Variants in ZNF536 observed in about 807,000 individuals in gnomAD.
ZNF536 encodes the protein zinc finger protein 536.
In ZNF536, 13 loss-of-function variants were observed where a neutral mutation model predicts 84.5. The observed-to-expected ratio is 0.15, with a 90% CI of 0.10 to 0.24. ZNF536 has a LOEUF of 0.24. Ranked by LOEUF, ZNF536 falls within the 10% of genes least tolerant of loss-of-function variation. ZNF536 has a pLI of 1.00. For missense variants in ZNF536, 1,536 were observed against 1,747.5 expected, an observed-to-expected ratio of 0.88 and a Z score of 2.16; for synonymous variants, 811 against 742.5, an observed-to-expected ratio of 1.09 and a Z score of -1.50.
intron 2 of ZNF536, among the ~76,000 whole-genome samples, chr19:30,304,766 G>A (rs908100219): frequency 5.9e-5 from 9 of 152,204 alleles, no homozygotes; most frequent in African/African-American, 1.9e-4. Flanking sequence ...GGGGCTCACA[G>A]AACTGCCCCA....
chr19:30,445,473 C>T lies in ZNF536; in HGVS notation c.1911C>T (p.Gly637=), dbSNP rs751244018. The T allele has an allele frequency of 1.9e-6, 3 of 1,614,152 alleles. No individual in the cohort carries two copies. The highest frequency in any genetic ancestry group is 2.5e-6 in the Non-Finnish European group (3 of 1,180,022). ...KEKPTECPDC[G]RVFRTYHQVV... ...AGCCCACCGAGTGCCCCGACTGCGG[C>T]CGGGTGTTCCGCACTTACCACCAGG... Residue 637 remains glycine (G), a synonymous_variant, in exon 2 of 5, where the codon GGC becomes GGT. Coordinates refer to ENST00000355537, the MANE Select transcript of ZNF536 (RefSeq NM_014717.3). This position sits in a 1 kb window ranked among gnomAD's most constrained non-coding sequence, Gnocchi z 4.5.
At chr19:30,406,643 T>C (rs1251792440) in intron 1 of ZNF536, among the ~76,000 whole-genome samples, 1 of 152,128 alleles carries the variant, frequency 6.6e-6, no homozygotes, top group East Asian at 1.9e-4. Context: ...GTACGGCCAG[T>C]TTTCCTTTTA....
At chr19:30,524,062 G>A (rs374197181) in intron 2 of ZNF536, among the ~76,000 whole-genome samples, 4 of 152,214 alleles carry the variant, frequency 2.6e-5, no homozygotes, top group Non-Finnish European at 4.4e-5. Flanking sequence ...CAGCCAATCC[G>A]ACGGCGGCAG....
chr19:30,616,123 C>G (rs1458189006), intron 1 of ZNF536, among the ~76,000 whole-genome samples: 1 of 152,136 alleles, frequency 6.6e-6, no homozygotes, highest in Non-Finnish European at 1.5e-5. Flanking sequence ...TATCTTTTTG[C>G]AAATAATCAT....
intron 1 of ZNF536, among the ~76,000 whole-genome samples, chr19:30,640,996 C>T (rs777058395): frequency 5.3e-5 from 8 of 152,204 alleles, no homozygotes; most frequent in Non-Finnish European, 1.0e-4. Flanking sequence ...ACATTCCCAC[C>T]TGCGTAAGTC....
At chr19:30,479,949 G>C (rs569504465) in intron 2 of ZNF536, among the ~76,000 whole-genome samples, 1 of 152,324 alleles carries the variant, frequency 6.6e-6, no homozygotes, top group Admixed American at 6.5e-5. Flanking sequence ...CTTCAGGGCT[G>C]GTTCCAAGGG....
intron 1 of ZNF536, among the ~76,000 whole-genome samples, chr19:30,666,848 ATG>A (rs1555832223): frequency 7.1e-6 from 1 of 141,480 alleles, no homozygotes; most frequent in Non-Finnish European, 1.6e-5. Context: ...ATATATATAT[ATG>A]TATGTATGTA....
At chr19:30,446,163 C>T (rs1017582755) in intron 2 of ZNF536, among the ~76,000 whole-genome samples, 1 of 139,544 alleles carries the variant, frequency 7.2e-6, no homozygotes, top group African/African-American at 2.6e-5. Flanking sequence ...GCAGGAGAAT[C>T]GCTTGAGCCC....
chr19:30,621,251 CT>C (rs34767903), intron 1 of ZNF536, among the ~76,000 whole-genome samples: 3 of 152,024 alleles, frequency 2.0e-5, no homozygotes, highest in Non-Finnish European at 2.9e-5. Flanking sequence ...TATTATTAGA[CT>C]TTTTTTCCCC....
intron 1 of ZNF536, among the ~76,000 whole-genome samples, chr19:30,392,679 CAA>C (rs1041767559): frequency 2.0e-4 from 30 of 152,264 alleles, no homozygotes; most frequent in Non-Finnish European, 4.0e-4. Context: ...AGCTCCCAAA[CAA>C]AGAGTTATGA....
chr19:30,661,497 T>A (rs2050120429), intron 1 of ZNF536, among the ~76,000 whole-genome samples: 1 of 152,166 alleles, frequency 6.6e-6, no homozygotes, highest in African/African-American at 2.4e-5. Flanking sequence ...GTGCAAGCTT[T>A]TGGGGGGGCC....
intron 2 of ZNF536, among the ~76,000 whole-genome samples, chr19:30,525,229 T>C (rs1239467625): frequency 6.6e-6 from 1 of 152,166 alleles, no homozygotes; most frequent in Non-Finnish European, 1.5e-5. Context: ...GAAGCCTCCC[T>C]GGACATCCCC....
At chr19:30,371,582 T>C (rs1389752965), upstream of ZNF536, among the ~76,000 whole-genome samples, 2 of 150,226 alleles carry the variant, frequency 1.3e-5, no homozygotes, top group African/African-American at 4.9e-5. Context: ...GTTTTTTTTT[T>C]CTCTCCCCTC....
intron 2 of ZNF536, among the ~76,000 whole-genome samples, chr19:30,298,438 A>C (rs1349883681): frequency 1.3e-5 from 2 of 152,208 alleles, no homozygotes; most frequent in African/African-American, 2.4e-5. Flanking sequence ...AACCAAGAAC[A>C]GGTCTCTTGA....
chr19:30,445,497 G>C lies in ZNF536; in HGVS notation c.1935G>C (p.Gln645His), dbSNP rs779825989. The C allele has an allele frequency of 1.2e-6, 2 of 1,614,118 alleles. No individual in the cohort carries two copies. Among genetic ancestry groups the C allele is most frequent in the East Asian group, 2.2e-5 (1 of 44,846 alleles). ...GCCGGGTGTTCCGCACTTACCACCAGGTGGTCGTGCACTCCCGTGTCCACA... is the reference window on the plus strand; with the variant it reads ...GCCGGGTGTTCCGCACTTACCACCACGTGGTCGTGCACTCCCGTGTCCACA... ...DCGRVFRTYH[Q>H]VVVHSRVHKR... Residue 645 changes from glutamine (Q) to histidine (H), a missense_variant, in exon 2 of 5, where the codon CAG becomes CAC. By Grantham distance (24) the Gln-to-His change is conservative (BLOSUM62 0). This residue lies in a region of ZNF536 where 366 missense variants were observed against 364.4 expected (regional missense o/e 1.00). Coordinates refer to ENST00000355537, the MANE Select transcript of ZNF536 (RefSeq NM_014717.3). The surrounding 1 kb of genome is among the most constrained non-coding windows in gnomAD (Gnocchi z 4.5).
chr19:30,300,689 A>C (rs1251756515), intron 2 of ZNF536: 1 of 152,228 alleles, frequency 6.6e-6, no homozygotes, highest in East Asian at 1.9e-4. Flanking sequence ...CATTTCATTT[A>C]AACTTCCTGC....
chr19:30,460,997 A>G (rs12972042), intron 2 of ZNF536, among the ~76,000 whole-genome samples: 28 of 152,164 alleles, frequency 1.8e-4, no homozygotes, highest in Non-Finnish European at 3.7e-4. Flanking sequence ...CTCTGAAAGG[A>G]CACAGAAGGA....
intron 1 of ZNF536, among the ~76,000 whole-genome samples, chr19:30,236,283 A>G (rs1431339156): frequency 6.6e-6 from 1 of 152,238 alleles, no homozygotes; most frequent in Non-Finnish European, 1.5e-5. Flanking sequence ...GTCTGAAGCC[A>G]CAGCCTGCCT....
chr19:30,633,651 T>C (rs989191501), intron 1 of ZNF536, among the ~76,000 whole-genome samples: 7 of 152,344 alleles, frequency 4.6e-5, no homozygotes, highest in African/African-American at 1.4e-4. Context: ...GTTTGGCATA[T>C]ATCACTTCAT....
Sources: gnomAD v4.1 joint callset for allele counts (sites outside exome capture counted in the v4.1 genomes callset) on GRCh38, gnomAD v4.1.1 for gene constraint, gnomAD v4.1.1 regional missense constraint, Gnocchi (gnomAD v3.1) non-coding constraint, MANE v1.5 for transcripts, NCBI Gene and HGNC (gene_info 2026-07-23, HGNC 2026-07-21) for gene names.